NNMT: variants seen among roughly 807,000 people sequenced by gnomAD.
The protein encoded by NNMT is nicotinamide N-methyltransferase.
A neutral mutation model predicts 11.7 loss-of-function variants in NNMT; 10 were observed. That is an observed-to-expected ratio of 0.85 (90% confidence interval 0.53 to 1.45). The LOEUF (loss-of-function observed/expected upper bound fraction) is 1.45, where lower values mean the gene tolerates loss of function less well. Ranked by LOEUF, NNMT falls within the 40% of genes most tolerant of loss-of-function variation. The pLI is 0.00. For synonymous variants in NNMT, 143 were observed against 133.8 expected (o/e 1.07, Z -0.48); for missense variants, 381 against 319.4 (o/e 1.19, Z -1.47).
chr11:114,276,509 A>G (rs1945214680), intron 2 of NNMT, among the ~76,000 whole-genome samples: 1 of 152,204 alleles, frequency 6.6e-6, no homozygotes, highest in African/African-American at 2.4e-5. Flanking sequence ...AAACCTTACC[A>G]GCAAATGCTT....
chr11:114,293,527 G>A (rs1386996385), upstream of NNMT, among the ~76,000 whole-genome samples: 3 of 148,932 alleles, frequency 2.0e-5, no homozygotes, highest in African/African-American at 7.4e-5. Flanking sequence ...TTGGATAAAA[G>A]CCATTTTAAC....
chr11:114,267,968 TTTG>T (rs921006760), intron 2 of NNMT, among the ~76,000 whole-genome samples: 1 of 152,210 alleles, frequency 6.6e-6, no homozygotes, highest in African/African-American at 2.4e-5. Context: ...ACTGCATCGA[TTTG>T]TTATTTCTCT....
intron 2 of NNMT, among the ~76,000 whole-genome samples, chr11:114,274,421 A>G (rs757458480): frequency 4.6e-5 from 7 of 152,232 alleles, no homozygotes; most frequent in Non-Finnish European, 1.0e-4. Context: ...CTGAACAGGT[A>G]GCAGAGACAG....
chr11:114,290,066 A>G (rs1438219611), intron 2 of NNMT, among the ~76,000 whole-genome samples: 1 of 152,164 alleles, frequency 6.6e-6, no homozygotes, highest in East Asian at 1.9e-4. Context: ...CTCTACCTTC[A>G]TGACCTACCA....
chr11:114,282,783 G>A (rs4936293), intron 2 of NNMT, among the ~76,000 whole-genome samples: 2 of 151,944 alleles, frequency 1.3e-5, no homozygotes, highest in East Asian at 1.9e-4. Flanking sequence ...TCTGAGTGCC[G>A]AAAGGACCAC....
intron 2 of NNMT, among the ~76,000 whole-genome samples, chr11:114,280,313 T>C (rs933614517): frequency 6.6e-6 from 1 of 151,908 alleles, no homozygotes; most frequent in African/African-American, 2.4e-5. Context: ...GTGCCTGGGA[T>C]AGACAGACCT....
At chr11:114,259,347 T>TGGGG in intron 1 of NNMT, among the ~76,000 whole-genome samples, 1 of 115,240 alleles carries the variant, frequency 8.7e-6, no homozygotes, top group African/African-American at 3.8e-5. Flanking sequence ...AGAGGCCCAG[T>TGGGG]GGGGGGGGGG....
rs187208963 is a variant in NNMT, at chr11:114,278,699, G to A, written c.-130+15765G>A. 1.5e-4 allele frequency among the ~76,000 whole-genome samples: 23 copies of A among 152,238 alleles called. 1 individual carries two copies. The highest frequency in any genetic ancestry group is 5.5e-4 in the African/African-American group (23 of 41,564). On this transcript the variant is annotated intron_variant, in intron 2 of 4. Coordinates refer to the NNMT transcript ENST00000535401. The stretch of plus-strand genomic sequence containing the variant: ...TGTGTGGTGATTCAGGTAGTGGAGA[G>A]TGGCTAGATCTGTCAGTGGTGTCAC...
intron 2 of NNMT, among the ~76,000 whole-genome samples, chr11:114,307,612 G>T (rs1945504601): frequency 6.6e-6 from 1 of 151,986 alleles, no homozygotes; most frequent in Admixed American, 6.6e-5. Context: ...TGACTCTCCA[G>T]AGCTTTTGGA....
chr11:114,278,356 A>G (rs1004174101), intron 2 of NNMT, among the ~76,000 whole-genome samples: 3 of 152,144 alleles, frequency 2.0e-5, no homozygotes, highest in Non-Finnish European at 4.4e-5. Context: ...CACGACTCAA[A>G]CACCTACTAC....
intron 1 of NNMT, among the ~76,000 whole-genome samples, 189 bp from the exon 2 acceptor site, chr11:114,297,762 T>C (rs1192525580): frequency 6.6e-6 from 1 of 152,178 alleles, no homozygotes; most frequent in African/African-American, 2.4e-5. Flanking sequence ...ATTGGGACTG[T>C]AGGCATGAGC....
At position 114,312,276 on chromosome 11, in the gene NNMT, G is replaced by A. The variant is rs770806445; in HGVS notation, c.594G>A (p.Ala198=). The change falls in exon 3 of 3, where the codon GCG becomes GCA. Residue 198 remains alanine, a synonymous_variant. Transcript: ENST00000299964. Reference sequence around the variant, plus strand: ...GGGGCTTCCTGGTGATCATGGATGCGCTCAAGAGCAGCTACTACATGATTG... The same window carrying A: ...GGGGCTTCCTGGTGATCATGGATGCACTCAAGAGCAGCTACTACATGATTG... The part of the protein sequence containing the change: ...KPGGFLVIMD[A]LKSSYYMIGE... The A allele has an allele frequency of 1.3e-5, 21 of 1,614,104 alleles. No homozygotes were observed. Among genetic ancestry groups the A allele is most frequent in the South Asian group, 4.4e-5 (4 of 91,088 alleles).
At chr11:114,284,435 C>CA (rs1322566756) in intron 2 of NNMT, among the ~76,000 whole-genome samples, 1 of 152,196 alleles carries the variant, frequency 6.6e-6, no homozygotes, top group Admixed American at 6.5e-5. Flanking sequence ...ACCTTCACCC[C>CA]AACATGGTTT....
intron 2 of NNMT, among the ~76,000 whole-genome samples, chr11:114,275,689 C>T (rs1007869605): frequency 9.9e-5 from 15 of 151,924 alleles, no homozygotes; most frequent in East Asian, 5.8e-4. Context: ...TGATATCTTG[C>T]GAGTGTGTGT....
intron 2 of NNMT, among the ~76,000 whole-genome samples, chr11:114,280,509 G>A (rs549449141): frequency 3.3e-5 from 5 of 152,186 alleles, no homozygotes; most frequent in East Asian, 1.9e-4. Flanking sequence ...CTGTCTGCCC[G>A]CCCTGCCCCA....
At chr11:114,287,071 T>G (rs373573605) in intron 2 of NNMT, among the ~76,000 whole-genome samples, 198 of 152,290 alleles carry the variant, frequency 1.3e-3, no homozygotes, top group African/African-American at 4.5e-3. Context: ...TCTGTTCAAG[T>G]TTTTTGTTTT....
At chr11:114,271,095 G>A (rs1192745036) in intron 2 of NNMT, among the ~76,000 whole-genome samples, 4 of 152,120 alleles carry the variant, frequency 2.6e-5, no homozygotes, top group African/African-American at 9.7e-5. Flanking sequence ...CCTTTGTAAA[G>A]GCTCTGTCTC....
At chr11:114,271,226 T>G (rs1945167336) in intron 2 of NNMT, among the ~76,000 whole-genome samples, 1 of 152,136 alleles carries the variant, frequency 6.6e-6, no homozygotes, top group South Asian at 2.1e-4. Context: ...AGAGGGAAAT[T>G]TGTTTTAAAA....
At chr11:114,275,070 C>T (rs910605263) in intron 2 of NNMT, among the ~76,000 whole-genome samples, 1 of 152,238 alleles carries the variant, frequency 6.6e-6, no homozygotes, top group African/African-American at 2.4e-5. Flanking sequence ...AAATACCCCA[C>T]ATCCTAGTTA....
Sources: gnomAD v4.1 joint callset for allele counts (sites outside exome capture counted in the v4.1 genomes callset) on GRCh38, gnomAD v4.1.1 for gene constraint, MANE v1.5 for transcripts, NCBI Gene and HGNC (gene_info 2026-07-23, HGNC 2026-07-21) for gene names.